The following CD96 variants were observed in gnomAD, a reference collection of about 807,000 sequenced individuals.
The protein encoded by CD96 is CD96 molecule, also known as T-cell surface protein tactile.
CD96 carries 70 observed loss-of-function variants against 71.3 expected under a neutral mutation model. The ratio of observed to expected loss-of-function variants is 0.98; its 90% CI spans 0.81 to 1.20. The LOEUF is 1.20. Ranked by LOEUF, CD96 falls within the 50% of genes most tolerant of loss-of-function variation. CD96 has a pLI of 0.00. For synonymous variants in CD96, 248 were observed against 233.0 expected (o/e 1.06, Z -0.59); for missense variants, 742 against 677.5 (o/e 1.10, Z -1.06).
chr3:111,639,058 G>C (rs1343158458), intron 12 of CD96, among the ~76,000 whole-genome samples: 1 of 152,186 alleles, frequency 6.6e-6, no homozygotes, highest in Admixed American at 6.5e-5. Flanking sequence ...AGCAGGACTA[G>C]ATTGCAACTC....
intron 5 of CD96, among the ~76,000 whole-genome samples, chr3:111,590,497 G>A (rs1053677773): frequency 6.6e-6 from 1 of 152,190 alleles, no homozygotes; most frequent in East Asian, 1.9e-4. Flanking sequence ...AACTTACAAA[G>A]TTTATGGCTA....
chr3:111,553,934 C>T (rs551377936), intron 2 of CD96, among the ~76,000 whole-genome samples: 1 of 151,936 alleles, frequency 6.6e-6, no homozygotes, highest in East Asian at 1.9e-4. Flanking sequence ...TTCTTACTTT[C>T]TTATATTGTT....
intron 10 of CD96, among the ~76,000 whole-genome samples, chr3:111,626,685 C>A (rs1182767453): frequency 6.6e-6 from 1 of 152,032 alleles, no homozygotes; most frequent in Non-Finnish European, 1.5e-5. Context: ...TCTAAATGGC[C>A]ATAGTCAGGA....
chr3:111,624,763 G>C (rs1315687878), intron 10 of CD96, among the ~76,000 whole-genome samples: 8 of 152,236 alleles, frequency 5.3e-5, no homozygotes, highest in Admixed American at 5.2e-4. Context: ...CAACCCGAAA[G>C]AGCAAGCTGT....
At chr3:111,648,050 T>C (rs969200873) in intron 13 of CD96, among the ~76,000 whole-genome samples, 20 of 152,188 alleles carry the variant, frequency 1.3e-4, no homozygotes, top group African/African-American at 4.8e-4. Context: ...TGCTCAAGTG[T>C]GAAATTGAGT....
chr3:111,662,819 C>T (rs1409897081), intron 14 of CD96, among the ~76,000 whole-genome samples: 3 of 152,320 alleles, frequency 2.0e-5, no homozygotes, highest in African/African-American at 7.2e-5. Flanking sequence ...CAAACTTTCC[C>T]TCATCTTCCT....
At chr3:111,586,567 A>G (rs1165422219) in intron 5 of CD96, among the ~76,000 whole-genome samples, 1 of 152,214 alleles carries the variant, frequency 6.6e-6, no homozygotes. Context: ...CAGGGAAAAG[A>G]GTTTAATTGG....
At chr3:111,583,712 C>T (rs1434831920) in intron 4 of CD96, among the ~76,000 whole-genome samples, 3 of 152,212 alleles carry the variant, frequency 2.0e-5, no homozygotes, top group Non-Finnish European at 2.9e-5. Flanking sequence ...GCCCAAGCTG[C>T]ACGTTGGCCC....
At chr3:111,657,547 G>A (rs1576442559) in intron 14 of CD96, among the ~76,000 whole-genome samples, 2 of 151,782 alleles carry the variant, frequency 1.3e-5, no homozygotes, top group Non-Finnish European at 2.9e-5. Context: ...AAATCTGGAA[G>A]GCTTGGTAGT....
At chr3:111,558,984 T>C (rs1041126198) in intron 2 of CD96, among the ~76,000 whole-genome samples, 41 of 152,360 alleles carry the variant, frequency 2.7e-4, no homozygotes, top group African/African-American at 9.6e-4. Context: ...GATTTTCCAG[T>C]TTATTTGCAT....
At chr3:111,637,836 C>A (rs983607042) in intron 11 of CD96, among the ~76,000 whole-genome samples, 3 of 149,566 alleles carry the variant, frequency 2.0e-5, no homozygotes, top group Non-Finnish European at 4.4e-5. Context: ...TTCCTATTTT[C>A]AACCAACAGG....
At chr3:111,627,988 C>T (rs1938860096) in intron 10 of CD96, among the ~76,000 whole-genome samples, 1 of 152,012 alleles carries the variant, frequency 6.6e-6, no homozygotes, top group Admixed American at 6.6e-5. Context: ...AAAAAACCAT[C>T]CAAAGGTCAG....
At chr3:111,662,843 C>T (rs188401016) in intron 14 of CD96, among the ~76,000 whole-genome samples, 3 of 152,300 alleles carry the variant, frequency 2.0e-5, no homozygotes, top group South Asian at 4.1e-4. Context: ...TTCTTCTGAT[C>T]CCTGCAAACT....
At chr3:111,588,154 C>T (rs1258528705) in intron 5 of CD96, among the ~76,000 whole-genome samples, 1 of 152,166 alleles carries the variant, frequency 6.6e-6, no homozygotes, top group Non-Finnish European at 1.5e-5. Context: ...CTCTGTTTAT[C>T]TTTTGAAACT....
At chr3:111,626,542 T>C (rs2107719981) in intron 10 of CD96, among the ~76,000 whole-genome samples, 1 of 152,292 alleles carries the variant, frequency 6.6e-6, no homozygotes, top group South Asian at 2.1e-4. Flanking sequence ...CAAAGCTGAA[T>C]ATGTGCATAC....
chr3:111,591,208 G>A (rs1345090788), intron 5 of CD96, among the ~76,000 whole-genome samples: 1 of 151,800 alleles, frequency 6.6e-6, no homozygotes, highest in African/African-American at 2.4e-5. Context: ...CCTTGTCTGT[G>A]CTAAAAATAC....
At chr3:111,612,438 T>A (rs1237886614) in intron 8 of CD96, among the ~76,000 whole-genome samples, 1 of 152,264 alleles carries the variant, frequency 6.6e-6, no homozygotes, top group Non-Finnish European at 1.5e-5. Context: ...GCCATGATTG[T>A]ATAATAATAC....
intron 12 of CD96, among the ~76,000 whole-genome samples, chr3:111,639,073 G>C (rs542326242): frequency 3.9e-5 from 6 of 152,336 alleles, no homozygotes; most frequent in African/African-American, 1.4e-4. Flanking sequence ...CAACTCTGCA[G>C]CATGCAGAGT....
At chr3:111,661,550 GA>G (rs1024729202) in intron 14 of CD96, among the ~76,000 whole-genome samples, 2 of 152,256 alleles carry the variant, frequency 1.3e-5, no homozygotes, top group Non-Finnish European at 2.9e-5. Flanking sequence ...TGAGGGTACA[GA>G]TGTTGGGTAA....
Sources: gnomAD v4.1 joint callset for allele counts (sites outside exome capture counted in the v4.1 genomes callset) on GRCh38, gnomAD v4.1.1 for gene constraint, MANE v1.5 for transcripts, NCBI Gene and HGNC (gene_info 2026-07-23, HGNC 2026-07-21) for gene names.